RGS7BP: variants seen among roughly 807,000 people sequenced by gnomAD.
The protein encoded by RGS7BP is regulator of G protein signaling 7 binding protein, also known as regulator of G protein signaling 7-binding protein.
A neutral mutation model predicts 31.3 loss-of-function variants in RGS7BP; 9 were observed. The ratio of observed to expected loss-of-function variants is 0.29; its 90% confidence interval spans 0.17 to 0.50. The LOEUF is 0.50. Ranked by LOEUF, RGS7BP falls within the 20% of genes least tolerant of loss-of-function variation. The pLI, the probability that RGS7BP is intolerant of heterozygous loss-of-function variation, is 0.98. For missense variants in RGS7BP, 274 were observed against 322.0 expected (o/e 0.85, Z 1.14); for synonymous variants, 115 against 120.1 (o/e 0.96, Z 0.28).
At chr5:64,599,580 T>C (rs917170404) in intron 5 of RGS7BP, among the ~76,000 whole-genome samples, 2 of 152,192 alleles carry the variant, frequency 1.3e-5, no homozygotes, top group Non-Finnish European at 2.9e-5. Context: ...GCACATCAGA[T>C]AGCTCAGAAC....
intron 2 of RGS7BP, among the ~76,000 whole-genome samples, chr5:64,518,461 T>A (rs946070450): frequency 2.6e-5 from 4 of 152,104 alleles, no homozygotes; most frequent in Non-Finnish European, 5.9e-5. Context: ...GATGATATTA[T>A]TAAGGAATGA....
chr5:64,506,335 G>T lies in RGS7BP; in HGVS notation c.-290G>T. Reference sequence around the variant, plus strand: ...CCATGCCGAGAGGAAGGCAGTGCGAGCCCGCGCCAGCGCCCAGCTCCCGGG... The same window carrying T: ...CCATGCCGAGAGGAAGGCAGTGCGATCCCGCGCCAGCGCCCAGCTCCCGGG... On this transcript the variant is annotated 5_prime_UTR_variant, in exon 1 of 6. Transcript: ENST00000334025. The surrounding 1 kb of genome is among the most constrained non-coding windows in gnomAD (Gnocchi z 4.6). The T allele has an allele frequency of 3.2e-6, 1 of 309,436 alleles. No individual in the cohort carries two copies. The highest frequency in any genetic ancestry group is 5.0e-5 in the East Asian group (1 of 19,818). The allele number at this position is 309,436 out of a possible 1,614,324, so 19.2% of individuals were successfully genotyped here. A position where few individuals can be genotyped will look rare whatever the true frequency, so the allele number is the denominator to read the frequency against.
At chr5:64,583,378 G>T (rs1742655032) in intron 3 of RGS7BP, among the ~76,000 whole-genome samples, 1 of 152,090 alleles carries the variant, frequency 6.6e-6, no homozygotes, top group African/African-American at 2.4e-5. Flanking sequence ...GACAGAGCAA[G>T]ACTCCATCTC....
At chr5:64,518,021 G>T (rs1749018151) in intron 2 of RGS7BP, among the ~76,000 whole-genome samples, 1 of 152,118 alleles carries the variant, frequency 6.6e-6, no homozygotes, top group Admixed American at 6.6e-5. Flanking sequence ...AAAATGCAAG[G>T]AAGCAGGAAG....
At chr5:64,526,814 T>G (rs1348195788) in intron 2 of RGS7BP, among the ~76,000 whole-genome samples, 1 of 152,076 alleles carries the variant, frequency 6.6e-6, no homozygotes, top group African/African-American at 2.4e-5. Flanking sequence ...CTCAGAGCCA[T>G]GGAGATCTGT....
intron 2 of RGS7BP, among the ~76,000 whole-genome samples, chr5:64,530,008 T>C (rs1280257193): frequency 7.2e-5 from 11 of 152,222 alleles, no homozygotes; most frequent in Admixed American, 5.9e-4. Context: ...CAGGAAAATA[T>C]GTTTCAACCA....
chr5:64,608,848 T>G (rs1016396720), intron 5 of RGS7BP, among the ~76,000 whole-genome samples: 2 of 152,072 alleles, frequency 1.3e-5, no homozygotes, highest in Admixed American at 6.6e-5. Context: ...AATTCAATTT[T>G]AAGCAGTGGT....
At position 64,532,298 on chromosome 5, in the gene RGS7BP, CT is replaced by C. The variant is rs76214343; in HGVS notation, c.332+24434del. ...CACCACCACAATTTGTTGTAATATC[CT>C]TTTTTTTTTTTTCCTGGAGCTGTAC... On this transcript the variant is annotated intron_variant, in intron 2 of 5. Coordinates refer to ENST00000334025, the MANE Select transcript of RGS7BP (RefSeq NM_001029875.3). Among the ~76,000 whole-genome samples, 1,059 of 145,700 alleles carry C rather than the reference CT, an allele frequency of 7.3e-3. 10 individuals are homozygous for C. The highest frequency in any genetic ancestry group is 0.02 in the African/African-American group (798 of 39,862).
At chr5:64,523,438 C>A (rs775021466) in intron 2 of RGS7BP, among the ~76,000 whole-genome samples, 3 of 152,194 alleles carry the variant, frequency 2.0e-5, no homozygotes, top group Non-Finnish European at 4.4e-5. Context: ...AATTTGCTGA[C>A]TAAAAGTGGC....
chr5:64,584,378 C>T (rs981023360), intron 3 of RGS7BP, among the ~76,000 whole-genome samples: 2 of 152,094 alleles, frequency 1.3e-5, no homozygotes, highest in Admixed American at 6.6e-5. Flanking sequence ...GAAACTATTA[C>T]ATATAGTAAA....
intron 5 of RGS7BP, among the ~76,000 whole-genome samples, chr5:64,607,725 C>A (rs1743401099): frequency 6.6e-6 from 1 of 151,974 alleles, no homozygotes; most frequent in African/African-American, 2.4e-5. Flanking sequence ...TTGATGTTAA[C>A]TCCAGTCAGC....
At chr5:64,591,890 T>C (rs746127656) in intron 3 of RGS7BP, among the ~76,000 whole-genome samples, 2 of 152,176 alleles carry the variant, frequency 1.3e-5, no homozygotes, top group South Asian at 4.1e-4. Flanking sequence ...AGTAGACTTA[T>C]AGAATTGAAG....
intron 2 of RGS7BP, among the ~76,000 whole-genome samples, chr5:64,530,831 A>G (rs1749352752): frequency 6.6e-6 from 1 of 152,094 alleles, no homozygotes; most frequent in South Asian, 2.1e-4. Context: ...TATTGGAATC[A>G]TTATTCCAAA....
chr5:64,573,486 A>G (rs1260416399), intron 2 of RGS7BP: 2 of 152,146 alleles, frequency 1.3e-5, no homozygotes. Context: ...GTACTGGCTA[A>G]TTGTCCCACT....
At chr5:64,571,795 GT>G (rs1742306761) in intron 2 of RGS7BP, among the ~76,000 whole-genome samples, 1 of 152,126 alleles carries the variant, frequency 6.6e-6, no homozygotes, top group East Asian at 1.9e-4. Flanking sequence ...TAAGGAGTTA[GT>G]TGAGAGCAGA....
chr5:64,526,542 AT>A (rs1749235011), intron 2 of RGS7BP, among the ~76,000 whole-genome samples: 1 of 152,148 alleles, frequency 6.6e-6, no homozygotes, highest in African/African-American at 2.4e-5. Context: ...GGTGAGCACC[AT>A]TTTCCCTAGC....
chr5:64,517,483 T>G (rs1749006663), intron 2 of RGS7BP, among the ~76,000 whole-genome samples: 1 of 152,236 alleles, frequency 6.6e-6, no homozygotes, highest in Non-Finnish European at 1.5e-5. Flanking sequence ...CTCAAACTGG[T>G]CTACTTTTTA....
intron 2 of RGS7BP, among the ~76,000 whole-genome samples, chr5:64,515,784 A>G (rs1034977659): frequency 2.6e-5 from 4 of 151,692 alleles, no homozygotes; most frequent in African/African-American, 4.8e-5. Context: ...GACTCTGGTT[A>G]GGATAAAGTA....
chr5:64,564,063 C>G (rs76370243), intron 2 of RGS7BP, among the ~76,000 whole-genome samples: 2,156 of 152,220 alleles, frequency 0.014, 45 homozygotes, highest in African/African-American at 0.049. Flanking sequence ...GAGTTAACTC[C>G]CTATCTCTTA....
Sources: gnomAD v4.1 joint callset for allele counts (sites outside exome capture counted in the v4.1 genomes callset) on GRCh38, gnomAD v4.1.1 for gene constraint, Gnocchi (gnomAD v3.1) non-coding constraint, MANE v1.5 for transcripts, NCBI Gene and HGNC (gene_info 2026-07-23, HGNC 2026-07-21) for gene names.